Variants in NIPAL2 observed in about 807,000 individuals in gnomAD.
NIPAL2 encodes the protein NIPA like domain containing 2, also known as NIPA-like protein 2.
Under a neutral mutation model 48.9 loss-of-function variants are expected in NIPAL2, and 43 were observed. That is an observed-to-expected ratio of 0.88 (90% CI 0.69 to 1.13). The LOEUF (loss-of-function observed/expected upper bound fraction) is 1.13, where lower values mean the gene tolerates loss of function less well. NIPAL2 is among the 50% of genes most tolerant of loss of function. The pLI, the probability that NIPAL2 is intolerant of heterozygous loss-of-function variation, is 0.00. For synonymous variants in NIPAL2, 167 were observed against 174.6 expected, an observed-to-expected ratio of 0.96 and a Z score of 0.34; for missense variants, 446 against 461.4, an observed-to-expected ratio of 0.97 and a Z score of 0.31.
At chr8:98,221,307 TGTA>T (rs1413523889) in intron 5 of NIPAL2, among the ~76,000 whole-genome samples, 2 of 151,682 alleles carry the variant, frequency 1.3e-5, no homozygotes, top group Admixed American at 6.6e-5. Context: ...CTCTTGGCAT[TGTA>T]GTACTGTTGT....
At position 98,190,675 on chromosome 8, in the gene NIPAL2, C is replaced by T. The variant is rs1175178497; in HGVS notation, c.*2303G>A. On this transcript the variant is annotated 3_prime_UTR_variant, in exon 11 of 11. Coordinates refer to ENST00000430223, the MANE Select transcript of NIPAL2 (RefSeq NM_001321635.2). ...CCATGCTCTTCTGTTTACATCTTGTCTATGGCTGCTTTAGTGCTACAATGG... is the reference window on the plus strand; with the variant it reads ...CCATGCTCTTCTGTTTACATCTTGTTTATGGCTGCTTTAGTGCTACAATGG... 1 of 152,208 alleles carries T rather than the reference C, an allele frequency of 6.6e-6. No homozygotes were observed. Among genetic ancestry groups the T allele is most frequent in the African/African-American group, 2.4e-5 (1 of 41,434 alleles). The allele number at this position is 152,208 out of a possible 1,614,324, so 9.4% of individuals were successfully genotyped here.
Position 98,253,698 on chromosome 8 carries a change from G to A in NIPAL2, c.204+321C>T, listed in dbSNP as rs865965923. ...CCCATCTGGGGTAAAGGCTATGGAA[G>A]AAATCAAAGTACTGCAAATCAAACC... On this transcript the variant is annotated intron_variant, in intron 2 of 10. Coordinates refer to ENST00000430223, the MANE Select transcript of NIPAL2 (RefSeq NM_001321635.2). Among the ~76,000 whole-genome samples, 61 of 152,120 alleles carry A rather than the reference G, an allele frequency of 4.0e-4. 1 individual carries two copies. The highest frequency in any genetic ancestry group is 1.4e-3 in the African/African-American group (57 of 41,410).
Position 98,194,784 on chromosome 8 carries a change from C to A in NIPAL2, c.983G>T (p.Arg328Ile), listed in dbSNP as rs760426043. ...TTGCAGATGTTCCTTTTCTCGATTT[C>A]TTGTGACCAAAAATACACCAAGGAA... Reference protein sequence around the residue: ...LSFLGVFLVTRNREKEHLQQS... With the variant: ...LSFLGVFLVTINREKEHLQQS... The change falls in exon 10 of 11, where the codon AGA (arginine) becomes ATA (isoleucine). Residue 328 changes from arginine (R) to isoleucine (I), a missense_variant. Physicochemically the swap from Arg to Ile is moderately conservative, Grantham distance 97 (BLOSUM62 -3). Transcript: ENST00000430223. The A allele has an allele frequency of 2.5e-6, 4 of 1,574,338 alleles. No homozygotes were observed. In the South Asian group the frequency reaches 3.6e-5, roughly 14 times the overall value.
chr8:98,195,939 C>T lies in NIPAL2; in HGVS notation c.944+3G>A, dbSNP rs1256265375. On this transcript the variant is annotated splice_donor_region_variant and intron_variant, in intron 9 of 10. Coordinates refer to ENST00000430223, the MANE Select transcript of NIPAL2 (RefSeq NM_001321635.2). ...ATGCTTTACCTCTGAGACATTTACTCACCCAAAAAGATATATAAATACAGT... is the reference window on the plus strand; with the variant it reads ...ATGCTTTACCTCTGAGACATTTACTTACCCAAAAAGATATATAAATACAGT... 3.8e-6 allele frequency: 6 copies of T among 1,567,042 alleles called. No homozygotes were observed. The highest frequency in any genetic ancestry group is 4.4e-6 in the Non-Finnish European group (5 of 1,142,988).
intron 1 of NIPAL2, among the ~76,000 whole-genome samples, chr8:98,286,343 A>G (rs1421711094): frequency 6.6e-6 from 1 of 152,188 alleles, no homozygotes; most frequent in African/African-American, 2.4e-5. Context: ...CCAGACACTC[A>G]TTTTATGCAG....
chr8:98,200,442 G>A (rs1424578673), intron 8 of NIPAL2, among the ~76,000 whole-genome samples: 1 of 152,048 alleles, frequency 6.6e-6, no homozygotes, highest in Non-Finnish European at 1.5e-5. Flanking sequence ...GTTCATCTAT[G>A]TTGTGGCATG....
intron 4 of NIPAL2, among the ~76,000 whole-genome samples, chr8:98,227,452 C>A (rs1812231951): frequency 6.6e-6 from 1 of 152,140 alleles, no homozygotes; most frequent in African/African-American, 2.4e-5. Context: ...GGCCCAAATA[C>A]TCTTTAGTCA....
chr8:98,201,596 G>T (rs1204899120), intron 8 of NIPAL2, among the ~76,000 whole-genome samples: 1 of 151,944 alleles, frequency 6.6e-6, no homozygotes, highest in Non-Finnish European at 1.5e-5. Context: ...TATGTTCCCA[G>T]GCTGCAGAAA....
Position 98,203,191 on chromosome 8 carries a change from A to G in NIPAL2, c.797T>C (p.Leu266Pro). ...IASCVFQVKF[L>P]NQATKLYNTT... The stretch of plus-strand genomic sequence containing the variant: ...ATTGTAGAGTTTCGTGGCTTGATTC[A>G]GGAACCTAGGGCAGAAGGCACTTAC... Residue 266 changes from leucine to proline, a missense_variant, in exon 8 of 11, where the codon CTG (leucine) becomes CCG (proline). By Grantham distance (98) the Leu-to-Pro change is moderately conservative (BLOSUM62 -3). Transcript: ENST00000430223. 6.2e-7 allele frequency: 1 copy of G among 1,613,670 alleles called. No homozygotes were observed. Among genetic ancestry groups the G allele is most frequent in the Non-Finnish European group, 8.5e-7 (1 of 1,179,556 alleles).
At chr8:98,204,245 C>A (rs566484877) in intron 7 of NIPAL2, among the ~76,000 whole-genome samples, 1 of 152,316 alleles carries the variant, frequency 6.6e-6, no homozygotes, top group East Asian at 1.9e-4. Context: ...AAGGAGATGA[C>A]AAACCAGTGA....
intron 5 of NIPAL2, among the ~76,000 whole-genome samples, chr8:98,221,876 C>A (rs62522249): frequency 6.6e-6 from 1 of 152,122 alleles, no homozygotes; most frequent in Non-Finnish European, 1.5e-5. Flanking sequence ...GACAGTGTGG[C>A]GATTCCTCAA....
At chr8:98,271,626 A>G (rs1181986299) in intron 1 of NIPAL2, among the ~76,000 whole-genome samples, 1 of 152,188 alleles carries the variant, frequency 6.6e-6, no homozygotes, top group African/African-American at 2.4e-5. Context: ...GTATAGAGTC[A>G]TATCGTCAGT....
intron 1 of NIPAL2, among the ~76,000 whole-genome samples, chr8:98,271,556 T>G (rs907377695): frequency 6.6e-6 from 1 of 152,094 alleles, no homozygotes; most frequent in African/African-American, 2.4e-5. Flanking sequence ...ATCTGGAAAC[T>G]CTACTGAAGT....
Position 98,212,511 on chromosome 8 carries a change from A to G in NIPAL2, c.559-10T>C. 2 of 1,238,892 alleles carry G rather than the reference A, an allele frequency of 1.6e-6. No homozygotes were observed. Among genetic ancestry groups the G allele is most frequent in the Non-Finnish European group, 1.2e-6 (1 of 845,088 alleles). 76.7% of individuals were successfully genotyped at this position (1,238,892 alleles called of 1,614,324 possible). A position where few individuals can be genotyped will look rare whatever the true frequency, so the allele number is the denominator to read the frequency against. On this transcript the variant is annotated splice_polypyrimidine_tract_variant and intron_variant, in intron 5 of 10. Coordinates refer to ENST00000430223, the MANE Select transcript of NIPAL2 (RefSeq NM_001321635.2). ...TTAATATTTCTAAAATCTAGAAATGAAAAAGATGGAAAAGAGTAAGTTATT... is the reference window on the plus strand; with the variant it reads ...TTAATATTTCTAAAATCTAGAAATGGAAAAGATGGAAAAGAGTAAGTTATT...
intron 1 of NIPAL2, among the ~76,000 whole-genome samples, chr8:98,263,362 C>A (rs1472967611): frequency 1.3e-5 from 2 of 149,076 alleles, no homozygotes; most frequent in African/African-American, 2.5e-5. Flanking sequence ...AAAGGATCAA[C>A]AAAATTGATA....
At chr8:98,224,364 T>G (rs1380621386) in intron 4 of NIPAL2, among the ~76,000 whole-genome samples, 1 of 152,194 alleles carries the variant, frequency 6.6e-6, no homozygotes, top group African/African-American at 2.4e-5. Context: ...AATTGCGTAT[T>G]ATATAAACTT....
At chr8:98,196,064 A>T in intron 8 of NIPAL2, 59 bp from the exon 9 acceptor site, 1 of 1,001,046 alleles carries the variant, frequency 1.0e-6, no homozygotes, top group Non-Finnish European at 1.5e-6. Flanking sequence ...TATAATAGCT[A>T]AATATTGTTT....
At chr8:98,293,888 G>A in intron 1 of NIPAL2, 115 bp downstream of exon 1, 2 of 1,001,738 alleles carry the variant, frequency 2.0e-6, no homozygotes, top group African/African-American at 1.7e-5. Context: ...CACTCGGAGA[G>A]GCCGGGTGTC....
chr8:98,249,837 A>G (rs1314510551), intron 3 of NIPAL2, among the ~76,000 whole-genome samples: 1 of 150,490 alleles, frequency 6.6e-6, no homozygotes, highest in African/African-American at 2.4e-5. Flanking sequence ...AATATATATT[A>G]TACTCAAAGT....
Sources: allele counts gnomAD v4.1 joint callset (sites outside exome capture counted in the v4.1 genomes callset), GRCh38; gene constraint gnomAD v4.1.1; transcripts MANE v1.5; gene names NCBI Gene and HGNC (gene_info 2026-07-23, HGNC 2026-07-21).